CTNNA3: variants seen among roughly 807,000 people sequenced by gnomAD.
The protein encoded by CTNNA3 is catenin alpha-3.
A neutral mutation model predicts 95.7 loss-of-function variants in CTNNA3; 76 were observed. That is an observed-to-expected ratio of 0.79 (90% CI 0.66 to 0.96). The LOEUF is 0.96. CTNNA3 is among the 40% of genes least tolerant of loss of function. The pLI, the probability that CTNNA3 is intolerant of heterozygous loss-of-function variation, is 0.00. For missense variants in CTNNA3, 1,191 were observed against 1,089.8 expected (o/e 1.09, Z -1.31); for synonymous variants, 431 against 374.4 (o/e 1.15, Z -1.74).
chr10:67,647,530 C>T lies in CTNNA3; in HGVS notation c.-5-12G>A. The T allele has an allele frequency of 6.2e-7, 1 of 1,603,566 alleles. No homozygotes were observed. The highest frequency in any genetic ancestry group is 1.1e-5 in the South Asian group (1 of 90,066). On this transcript the variant is annotated splice_polypyrimidine_tract_variant and intron_variant, in intron 1 of 17. Coordinates refer to ENST00000433211, the MANE Select transcript of CTNNA3 (RefSeq NM_013266.4). ...AGCTGACATGCTGCCTGTGCACAAACACAAAAGGATGCTTATTAATAAAGA... is the reference window on the plus strand; with the variant it reads ...AGCTGACATGCTGCCTGTGCACAAATACAAAAGGATGCTTATTAATAAAGA...
At chr10:66,991,959 C>T (rs1052767696) in intron 7 of CTNNA3, among the ~76,000 whole-genome samples, 2 of 152,270 alleles carry the variant, frequency 1.3e-5, no homozygotes, top group Non-Finnish European at 2.9e-5. Flanking sequence ...TTTCAGTGTT[C>T]TGTCTTGGGT....
intron 10 of CTNNA3, among the ~76,000 whole-genome samples, chr10:66,540,404 G>C (rs866907529): frequency 1.3e-4 from 20 of 152,236 alleles, no homozygotes; most frequent in South Asian, 8.3e-4. Context: ...GAAACTGAGG[G>C]ACAGTACAGG....
At chr10:67,714,646 A>G (rs1193327861) in intron 1 of CTNNA3, among the ~76,000 whole-genome samples, 1 of 152,178 alleles carries the variant, frequency 6.6e-6, no homozygotes, top group Non-Finnish European at 1.5e-5. Context: ...GACTGTTGAG[A>G]AGGCATGACT....
chr10:67,063,550 G>A (rs1855887594), intron 7 of CTNNA3, among the ~76,000 whole-genome samples: 1 of 152,204 alleles, frequency 6.6e-6, no homozygotes, highest in South Asian at 2.1e-4. Context: ...GGTTATCACT[G>A]TCAGATATGA....
intron 9 of CTNNA3, among the ~76,000 whole-genome samples, chr10:66,664,889 T>TAAAAAAAAA (rs56801434): frequency 5.2e-5 from 7 of 134,512 alleles, no homozygotes; most frequent in Admixed American, 7.4e-5. Context: ...CTGAAAAAAT[T>TAAAAAAAAA]AAAAAAAAAA....
intron 1 of CTNNA3, among the ~76,000 whole-genome samples, chr10:67,756,415 A>C (rs1245908334): frequency 6.6e-6 from 1 of 152,220 alleles, no homozygotes; most frequent in Non-Finnish European, 1.5e-5. Flanking sequence ...TCATGTATTA[A>C]ATTATCATAT....
intron 11 of CTNNA3, among the ~76,000 whole-genome samples, chr10:66,445,067 G>C (rs1012308022): frequency 4.6e-5 from 7 of 151,966 alleles, no homozygotes; most frequent in African/African-American, 1.5e-4. Context: ...GATCAAAAGA[G>C]ACAAAGAAGG....
intron 7 of CTNNA3, among the ~76,000 whole-genome samples, chr10:66,984,728 G>A (rs897855282): frequency 1.3e-5 from 2 of 151,940 alleles, no homozygotes; most frequent in Admixed American, 6.6e-5. Flanking sequence ...ACACTTAAAT[G>A]ACTTAAGAAA....
chr10:67,685,634 A>G (rs928052339), intron 1 of CTNNA3, among the ~76,000 whole-genome samples: 2 of 152,222 alleles, frequency 1.3e-5, no homozygotes, highest in Non-Finnish European at 2.9e-5. Context: ...GTTTACACTG[A>G]CAACAAGGTG....
intron 11 of CTNNA3, among the ~76,000 whole-genome samples, chr10:66,514,571 C>G (rs1346578618): frequency 1.3e-5 from 2 of 152,090 alleles, no homozygotes; most frequent in East Asian, 3.9e-4. Flanking sequence ...AAACCATTGT[C>G]AATCGCTTCC....
At chr10:65,988,576 A>G (rs2078474612) in intron 16 of CTNNA3, 116 bp downstream of exon 16, 6 of 694,020 alleles carry the variant, frequency 8.6e-6, no homozygotes, top group Non-Finnish European at 1.5e-5. Context: ...AAATTCAATT[A>G]TAATTTAGAA....
intron 1 of CTNNA3, among the ~76,000 whole-genome samples, chr10:67,649,010 TG>T (rs1183691867): frequency 1.3e-5 from 2 of 152,234 alleles, no homozygotes; most frequent in African/African-American, 4.8e-5. Flanking sequence ...ATTCCTGTGG[TG>T]ACCTTTCTGC....
At position 67,542,324 on chromosome 10, in the gene CTNNA3, C is replaced by G. The variant is rs189851159; in HGVS notation, c.293-2655G>C. On this transcript the variant is annotated intron_variant, in intron 3 of 17. Coordinates refer to ENST00000433211, the MANE Select transcript of CTNNA3 (RefSeq NM_013266.4). The stretch of plus-strand genomic sequence containing the variant: ...CTATGTTTTCTAGCATAACCTTCAT[C>G]ATAATTTATTATAACAAATTGTATC... 2.6e-3 allele frequency among the ~76,000 whole-genome samples: 402 copies of G among 152,200 alleles called. 3 individuals are homozygous for G. The highest frequency in any genetic ancestry group is 9.3e-3 in the African/African-American group (385 of 41,556).
At chr10:66,555,361 T>TA (rs1394741164) in intron 10 of CTNNA3, among the ~76,000 whole-genome samples, 2 of 152,082 alleles carry the variant, frequency 1.3e-5, no homozygotes, top group Non-Finnish European at 2.9e-5. Flanking sequence ...TGCTAAATGT[T>TA]AAAAAAACAG....
intron 9 of CTNNA3, among the ~76,000 whole-genome samples, chr10:66,633,921 A>T (rs927649411): frequency 3.9e-5 from 6 of 152,248 alleles, no homozygotes; most frequent in African/African-American, 1.4e-4. Flanking sequence ...TTGATGAAAT[A>T]GTCCTATATG....
chr10:67,077,997 A>G (rs1188795707), intron 7 of CTNNA3, among the ~76,000 whole-genome samples: 4 of 152,206 alleles, frequency 2.6e-5, no homozygotes, highest in Non-Finnish European at 4.4e-5. Flanking sequence ...ATGTGTAACT[A>G]TCTGTTACTT....
intron 10 of CTNNA3, among the ~76,000 whole-genome samples, chr10:66,614,597 A>G (rs1262043975): frequency 6.6e-6 from 1 of 151,994 alleles, no homozygotes; most frequent in Non-Finnish European, 1.5e-5. Context: ...TAGAAATTAC[A>G]GATTTTCAGT....
At chr10:66,651,345 G>T (rs1362603986) in intron 9 of CTNNA3, among the ~76,000 whole-genome samples, 2 of 152,158 alleles carry the variant, frequency 1.3e-5, no homozygotes, top group Non-Finnish European at 2.9e-5. Context: ...CAATCCTCCA[G>T]CTAGACAAAA....
chr10:66,085,758 T>C (rs1293610861), intron 14 of CTNNA3, among the ~76,000 whole-genome samples: 3 of 152,210 alleles, frequency 2.0e-5, no homozygotes, highest in Non-Finnish European at 2.9e-5. Flanking sequence ...TGAGGCTTAA[T>C]TGTTTTGAAA....
Sources: allele counts gnomAD v4.1 joint callset (sites outside exome capture counted in the v4.1 genomes callset), GRCh38; gene constraint gnomAD v4.1.1; transcripts MANE v1.5; gene names NCBI Gene and HGNC (gene_info 2026-07-23, HGNC 2026-07-21).